CCNB3: variants seen among roughly 807,000 people sequenced by gnomAD.
CCNB3 encodes the protein cyclin B3, also known as G2/mitotic-specific cyclin-B3.
A neutral mutation model predicts 68.0 loss-of-function variants in CCNB3; 12 were observed. The observed-to-expected ratio is 0.18, with a 90% CI of 0.11 to 0.29. The LOEUF (loss-of-function observed/expected upper bound fraction) is 0.29, where lower values mean the gene tolerates loss of function less well. Among genes scored for constraint, CCNB3 ranks in the 10% least tolerant of loss-of-function variants. The pLI, the probability that CCNB3 is intolerant of heterozygous loss-of-function variation, is 1.00. For synonymous variants in CCNB3, 354 were observed against 388.9 expected, an observed-to-expected ratio of 0.91 and a Z score of 1.06; for missense variants, 904 against 993.1, an observed-to-expected ratio of 0.91 and a Z score of 1.21.
intron 8 of CCNB3, among the ~76,000 whole-genome samples, chrX:50,327,246 G>A (rs782178565): frequency 3.6e-4 from 40 of 112,138 alleles, no homozygotes; most frequent in Admixed American, 4.7e-4. Context: ...AATAGTTAGA[G>A]GAAGTCAAGT....
intron 4 of CCNB3, among the ~76,000 whole-genome samples, chrX:50,289,561 AAAT>A (rs1426616594): frequency 2.7e-5 from 3 of 111,945 alleles, no homozygotes; most frequent in Non-Finnish European, 5.6e-5. Context: ...TTGTCTTAGA[AAAT>A]AATAATAACT....
chrX:50,222,707 T>C (rs1026773778), intron 1 of CCNB3, among the ~76,000 whole-genome samples: 27 of 111,372 alleles, frequency 2.4e-4, no homozygotes, highest in Non-Finnish European at 4.5e-4. Flanking sequence ...ATTTTTTCCT[T>C]CATTTCAACC....
chrX:50,216,269 TTGTG>T (rs1185678132), intron 1 of CCNB3, among the ~76,000 whole-genome samples: 5 of 101,665 alleles, frequency 4.9e-5, no homozygotes, highest in Non-Finnish European at 1.0e-4. Flanking sequence ...GTGTGTGTGT[TTGTG>T]TGTGTGTGTG....
intron 8 of CCNB3, among the ~76,000 whole-genome samples, chrX:50,321,018 A>G (rs1249400899): frequency 9.0e-6 from 1 of 111,411 alleles, no homozygotes; most frequent in Non-Finnish European, 1.9e-5. Context: ...TGCTCTTTGA[A>G]ATAACCCTGT....
intron 1 of CCNB3, among the ~76,000 whole-genome samples, chrX:50,279,651 CATCT>C (rs1936061307): frequency 1.5e-4 from 13 of 88,925 alleles, no homozygotes; most frequent in African/African-American, 5.3e-4. Flanking sequence ...TATGTACATT[CATCT>C]ATGTAAATAT....
At chrX:50,212,652 T>G (rs1935500903) in intron 1 of CCNB3, among the ~76,000 whole-genome samples, 1 of 110,849 alleles carries the variant, frequency 9.0e-6, no homozygotes, top group African/African-American at 3.3e-5. Context: ...CCTTATACCC[T>G]TTATCTATCA....
intron 8 of CCNB3, among the ~76,000 whole-genome samples, chrX:50,335,135 AC>A (rs781885430): frequency 6.3e-5 from 7 of 111,633 alleles, no homozygotes; most frequent in East Asian, 2.8e-4. Flanking sequence ...TTAGCAGGAA[AC>A]TTTTGCAGGT....
rs1557220588 is a variant in CCNB3 at position 50,347,753 on chromosome X, A to G, written c.3938A>G (p.Tyr1313Cys). Residue 1313 changes from tyrosine to cysteine, a missense_variant, in exon 11 of 13, where the codon TAC becomes TGC. Physicochemically the swap from Tyr to Cys is radical, Grantham distance 194. This residue lies in a region of CCNB3 where 285 missense variants were observed against 383.4 expected (regional missense o/e 0.74). Coordinates refer to ENST00000376042, the MANE Select transcript of CCNB3 (RefSeq NM_033031.3). ...LAAASLLLAL[Y>C]MKKLGYWVPF... ...GCTGCCTCCTTACTCCTGGCCCTCT[A>G]CATGAAGAAGCTCGGATACTGGGTA... The G allele has an allele frequency of 1.2e-5, 15 of 1,210,313 alleles. No homozygotes were observed. The highest frequency in any genetic ancestry group is 1.5e-5 in the Non-Finnish European group (13 of 895,011).
chrX:50,301,082 T>G (rs1375439855), intron 5 of CCNB3, among the ~76,000 whole-genome samples: 2 of 111,247 alleles, frequency 1.8e-5, no homozygotes, highest in African/African-American at 6.5e-5. Flanking sequence ...GGTTCGGACT[T>G]CCTCCTTTAG....
At position 50,288,788 on chromosome X, in the gene CCNB3, G is replaced by C; in HGVS notation, c.105G>C (p.Glu35Asp). Residue 35 changes from glutamate to aspartate, a missense_variant, in exon 4 of 13, where the codon GAG becomes GAC. By Grantham distance (45) the Glu-to-Asp change is conservative (BLOSUM62 2). Around this residue, in one of 2 missense-constraint regions of CCNB3, gnomAD observed 619 missense variants for 609.8 expected, o/e 1.02. Transcript: ENST00000376042. Reference protein sequence around the residue: ...SHHDPSEKTGENCQTKISPSS... With the variant: ...SHHDPSEKTGDNCQTKISPSS... ...CTCTTTTACTTTTTTAGACGGGGGAGAATTGCCAAACGAAGATATCTCCAT... is the reference window on the plus strand; with the variant it reads ...CTCTTTTACTTTTTTAGACGGGGGACAATTGCCAAACGAAGATATCTCCAT... 1 of 1,202,994 alleles carries C rather than the reference G, an allele frequency of 8.3e-7. No individual in the cohort carries two copies. Among genetic ancestry groups the C allele is most frequent in the Non-Finnish European group, 1.1e-6 (1 of 888,134 alleles).
At chrX:50,304,882 C>T (rs1936728681) in intron 5 of CCNB3, among the ~76,000 whole-genome samples, 1 of 112,105 alleles carries the variant, frequency 8.9e-6, no homozygotes, top group East Asian at 2.8e-4. Context: ...GACATTTATG[C>T]AGCCAAAAGA....
rs1923428272 is a variant in CCNB3 at position 50,346,803 on chromosome X, C to T, written c.3806C>T (p.Ala1269Val). ...PIAYHFLRRY[A>V]RCIHTNMKTL... ...GCCTACCATTTTCTGCGCAGATATGCTAGGGTAAGAGAGAAGAGACACATC... is the reference window on the plus strand; with the variant it reads ...GCCTACCATTTTCTGCGCAGATATGTTAGGGTAAGAGAGAAGAGACACATC... Residue 1269 changes from alanine (A) to valine (V), a missense_variant, in exon 10 of 13, where the codon GCT (alanine) becomes GTT (valine). Physicochemically the swap from Ala to Val is moderately conservative, Grantham distance 64 (BLOSUM62 0). Coordinates refer to ENST00000376042, the MANE Select transcript of CCNB3 (RefSeq NM_033031.3). 2 of 1,207,293 alleles carry T rather than the reference C, an allele frequency of 1.7e-6. No homozygotes were observed. The highest frequency in any genetic ancestry group is 2.2e-6 in the Non-Finnish European group (2 of 893,794).
chrX:50,227,743 A>T (rs1440859345), intron 1 of CCNB3, among the ~76,000 whole-genome samples: 2 of 79,169 alleles, frequency 2.5e-5, no homozygotes, highest in East Asian at 3.6e-4. Context: ...ATATATAAAT[A>T]TGTATAGAGA....
chrX:50,348,204 C>T (rs1386384951), intron 11 of CCNB3, among the ~76,000 whole-genome samples: 1 of 111,272 alleles, frequency 9.0e-6, no homozygotes, highest in Non-Finnish European at 1.9e-5. Context: ...GTGAAAGCAA[C>T]TGTCTGTGTC....
At chrX:50,329,433 A>G (rs1296609214) in intron 8 of CCNB3, among the ~76,000 whole-genome samples, 1 of 112,710 alleles carries the variant, frequency 8.9e-6, no homozygotes, top group Admixed American at 9.3e-5. Context: ...ACTTAACACC[A>G]CATGGAAGCT....
intron 1 of CCNB3, among the ~76,000 whole-genome samples, chrX:50,228,584 A>G (rs1334390074): frequency 2.3e-5 from 2 of 87,544 alleles, no homozygotes; most frequent in Non-Finnish European, 4.3e-5. Flanking sequence ...TAGAATATAT[A>G]TAGAATATAG....
intron 1 of CCNB3, among the ~76,000 whole-genome samples, chrX:50,279,327 A>AAT (rs1936031596): frequency 1.5e-4 from 11 of 72,818 alleles, no homozygotes; most frequent in African/African-American, 6.2e-4. Flanking sequence ...ATATATTTAA[A>AAT]TATATATGAA....
At chrX:50,228,637 A>G (rs1328360067) in intron 1 of CCNB3, among the ~76,000 whole-genome samples, 2 of 84,202 alleles carry the variant, frequency 2.4e-5, no homozygotes, top group African/African-American at 8.7e-5. Flanking sequence ...GAATATACAT[A>G]TAGAATATAT....
intron 8 of CCNB3, among the ~76,000 whole-genome samples, chrX:50,331,807 G>A (rs1397238875): frequency 2.7e-5 from 3 of 111,640 alleles, no homozygotes; most frequent in Admixed American, 9.5e-5. Flanking sequence ...ATATTTACTC[G>A]AGGATTCAGT....
Sources: gnomAD v4.1 joint callset for allele counts (sites outside exome capture counted in the v4.1 genomes callset) on GRCh38, gnomAD v4.1.1 for gene constraint, gnomAD v4.1.1 regional missense constraint, MANE v1.5 for transcripts, NCBI Gene and HGNC (gene_info 2026-07-23, HGNC 2026-07-21) for gene names.